CTNNA2: variants seen among roughly 807,000 people sequenced by gnomAD.
The protein encoded by CTNNA2 is catenin alpha 2, also known as catenin alpha-2.
A neutral mutation model predicts 101.0 loss-of-function variants in CTNNA2; 42 were observed. That is an observed-to-expected ratio of 0.42 (90% CI 0.32 to 0.54). The LOEUF (loss-of-function observed/expected upper bound fraction) is 0.54. Ranked by LOEUF, CTNNA2 falls within the 20% of genes least tolerant of loss-of-function variation. The pLI is 0.14. For missense variants in CTNNA2, 871 were observed against 1,223.1 expected, an observed-to-expected ratio of 0.71 and a Z score of 4.29; for synonymous variants, 450 against 456.4, an observed-to-expected ratio of 0.99 and a Z score of 0.18.
chr2:79,473,224 G>A (rs1037786126), intron 4 of CTNNA2, among the ~76,000 whole-genome samples: 2 of 152,076 alleles, frequency 1.3e-5, no homozygotes, highest in Middle Eastern at 3.4e-3. Flanking sequence ...GCATGCACCC[G>A]AAACTCTTCC....
At chr2:79,457,971 C>G (rs1670843376) in intron 4 of CTNNA2, among the ~76,000 whole-genome samples, 1 of 152,186 alleles carries the variant, frequency 6.6e-6, no homozygotes, top group African/African-American at 2.4e-5. Context: ...CATCAGCACC[C>G]TTCCCTCACA....
chr2:79,368,911 G>A (rs1162092231), intron 3 of CTNNA2, among the ~76,000 whole-genome samples: 5 of 152,166 alleles, frequency 3.3e-5, no homozygotes, highest in Admixed American at 6.5e-5. Flanking sequence ...TGTTGTTGTC[G>A]TTGTTATTGT....
At chr2:79,550,694 C>T (rs1356593939) in intron 1 of CTNNA2, among the ~76,000 whole-genome samples, 67 of 152,196 alleles carry the variant, frequency 4.4e-4, no homozygotes, top group Non-Finnish European at 7.3e-5. Flanking sequence ...AAATACCATG[C>T]ATTGCGAGCA....
At chr2:79,555,814 G>T (rs939331098) in intron 1 of CTNNA2, among the ~76,000 whole-genome samples, 3 of 152,056 alleles carry the variant, frequency 2.0e-5, no homozygotes, top group Non-Finnish European at 2.9e-5. Flanking sequence ...AGTTCATACA[G>T]CTCCTTATTC....
chr2:80,203,578 G>C lies in CTNNA2; in HGVS notation c.1057-189633G>C, dbSNP rs1203198203. Among the ~76,000 whole-genome samples, 5 of 152,338 alleles carry C rather than the reference G, an allele frequency of 3.3e-5. No homozygotes were observed. The East Asian group carries it at 9.7e-4, about 29-fold the overall frequency. ...CTGATGCAAGTGGTAGGTTCCTATA[G>C]TCTTTGGCACCTCCACTCCTGTGGC... is the stretch of plus-strand genomic sequence containing the variant. On this transcript the variant is annotated intron_variant, in intron 7 of 18. Transcript: ENST00000402739.
chr2:80,240,435 G>A (rs961791464), intron 7 of CTNNA2, among the ~76,000 whole-genome samples: 19 of 152,108 alleles, frequency 1.2e-4, no homozygotes, highest in Admixed American at 9.2e-4. Flanking sequence ...CCTGCCTCCA[G>A]CCATCTCCAC....
chr2:80,033,419 A>C (rs1695435073), intron 7 of CTNNA2, among the ~76,000 whole-genome samples: 1 of 151,874 alleles, frequency 6.6e-6, no homozygotes, highest in South Asian at 2.1e-4. Flanking sequence ...AAAAAAAATT[A>C]GAAATTAGCC....
chr2:79,457,760 C>A (rs1469576272), intron 4 of CTNNA2, among the ~76,000 whole-genome samples: 1 of 152,158 alleles, frequency 6.6e-6, no homozygotes, highest in Non-Finnish European at 1.5e-5. Flanking sequence ...ATTGGGTTAA[C>A]GAAGGGAGAA....
chr2:80,103,739 G>GT lies in CTNNA2; in HGVS notation c.1056+193947dup, dbSNP rs763500135. Among the ~76,000 whole-genome samples the GT allele has an allele frequency of 6.8e-4, 103 of 152,194 alleles. 1 individual carries two copies. The highest frequency in any genetic ancestry group is 3.4e-3 in the Middle Eastern group (1 of 294). ...CTTAAATAATGTTTTGTTTTGTTTT[G>GT]TTTTTGATTTTTTGAGACAGAGTCT... is the stretch of plus-strand genomic sequence containing the variant. On this transcript the variant is annotated intron_variant, in intron 7 of 18. Coordinates refer to ENST00000402739, the MANE Select transcript of CTNNA2 (RefSeq NM_001282597.3).
At chr2:79,545,465 C>A (rs1282302235) in intron 1 of CTNNA2, among the ~76,000 whole-genome samples, 1 of 152,138 alleles carries the variant, frequency 6.6e-6, no homozygotes, top group African/African-American at 2.4e-5. Context: ...CCAACTGTTA[C>A]ACGAGAGAAA....
intron 2 of CTNNA2, among the ~76,000 whole-genome samples, chr2:79,276,387 T>C (rs1403023775): frequency 6.6e-6 from 1 of 152,108 alleles, no homozygotes; most frequent in African/African-American, 2.4e-5. Context: ...CTAATAGCTT[T>C]TGTTTGATCT....
intron 2 of CTNNA2, among the ~76,000 whole-genome samples, chr2:79,248,547 T>C (rs1674727198): frequency 6.6e-6 from 1 of 152,126 alleles, no homozygotes; most frequent in South Asian, 2.1e-4. Context: ...GCTACCATAT[T>C]GAGGAGTGCA....
chr2:79,189,220 A>G (rs550995833), intron 1 of CTNNA2, among the ~76,000 whole-genome samples: 1 of 152,340 alleles, frequency 6.6e-6, no homozygotes, highest in African/African-American at 2.4e-5. Context: ...ATTTAATAAC[A>G]AATGTGTAAA....
chr2:80,586,382 G>C (rs2149728851), intron 14 of CTNNA2: 1 of 152,290 alleles, frequency 6.6e-6, no homozygotes, highest in African/African-American at 2.4e-5. Context: ...TTGAGTCTGG[G>C]AGTCTGCTGG....
intron 9 of CTNNA2, among the ~76,000 whole-genome samples, chr2:80,434,434 T>A (rs1420409756): frequency 2.0e-5 from 3 of 151,950 alleles, no homozygotes; most frequent in African/African-American, 7.3e-5. Context: ...AAGGAGCTGA[T>A]GATCGCTACT....
intron 9 of CTNNA2, among the ~76,000 whole-genome samples, chr2:80,445,151 TTTTGTTTG>T (rs767408724): frequency 6.6e-6 from 1 of 152,178 alleles, no homozygotes; most frequent in East Asian, 1.9e-4. Flanking sequence ...CTTTGTGTTT[TTTTGTTTG>T]TTTGTTTGTT....
intron 7 of CTNNA2, among the ~76,000 whole-genome samples, chr2:80,009,909 TCC>T (rs1284102073): frequency 9.2e-5 from 14 of 152,166 alleles, no homozygotes; most frequent in Non-Finnish European, 1.8e-4. Context: ...AAACAGACCG[TCC>T]TAGGTTCAGA....
chr2:80,536,919 C>A (rs1259790835), intron 9 of CTNNA2, among the ~76,000 whole-genome samples: 1 of 152,176 alleles, frequency 6.6e-6, no homozygotes, highest in Non-Finnish European at 1.5e-5. Context: ...GGTCACTATA[C>A]ATTTTACTTT....
chr2:80,152,135 A>G (rs1266465588), intron 7 of CTNNA2, among the ~76,000 whole-genome samples: 1 of 152,192 alleles, frequency 6.6e-6, no homozygotes, highest in Non-Finnish European at 1.5e-5. Flanking sequence ...ATGTATATAT[A>G]TTTCATCTTT....
Sources: allele counts gnomAD v4.1 joint callset (sites outside exome capture counted in the v4.1 genomes callset), GRCh38; gene constraint gnomAD v4.1.1; transcripts MANE v1.5; gene names NCBI Gene and HGNC (gene_info 2026-07-23, HGNC 2026-07-21).